GRM8: variants seen among roughly 807,000 people sequenced by gnomAD.
GRM8 encodes glutamate metabotropic receptor 8.
A neutral mutation model predicts 87.2 loss-of-function variants in GRM8; 47 were observed. The ratio of observed to expected loss-of-function variants is 0.54; its 90% CI spans 0.43 to 0.69. The LOEUF (loss-of-function observed/expected upper bound fraction) is 0.69, where lower values mean the gene tolerates loss of function less well. Ranked by LOEUF, GRM8 falls within the 30% of genes least tolerant of loss-of-function variation. The pLI is 0.00. For missense variants in GRM8, 1,019 were observed against 1,139.2 expected (o/e 0.89, Z 1.52); for synonymous variants, 396 against 404.5 (o/e 0.98, Z 0.25).
intron 2 of GRM8, among the ~76,000 whole-genome samples, chr7:127,241,183 G>A (rs1204545814): frequency 1.3e-5 from 2 of 152,058 alleles, no homozygotes; most frequent in African/African-American, 4.8e-5. Flanking sequence ...TCTAAACTAG[G>A]GAAATCCATA....
intron 3 of GRM8, among the ~76,000 whole-genome samples, chr7:126,922,590 G>A (rs769520057): frequency 6.6e-6 from 1 of 152,100 alleles, no homozygotes; most frequent in African/African-American, 2.4e-5. Context: ...ATACAATATC[G>A]CTTGGGTAAA....
intron 9 of GRM8, among the ~76,000 whole-genome samples, chr7:126,528,769 G>A (rs529196295): frequency 8.2e-4 from 124 of 152,112 alleles, no homozygotes; most frequent in African/African-American, 2.9e-3. Context: ...ACATTGCTTT[G>A]TATTGGAATT....
At position 126,579,277 on chromosome 7, in the gene GRM8, T is replaced by G. The variant is rs73449239; in HGVS notation, c.1494+30085A>C. Among the ~76,000 whole-genome samples, 524 of 152,318 alleles carry G rather than the reference T, an allele frequency of 3.4e-3. 3 individuals carry two copies. The highest frequency in any genetic ancestry group is 0.012 in the African/African-American group (480 of 41,584). On this transcript the variant is annotated intron_variant, in intron 8 of 10. Transcript: ENST00000339582. ...TTGTTTTCTGTTCTTTTCATGTGAC[T>G]TTTTGTGACTGGTATTCTTTATACA...
At chr7:126,790,530 G>C (rs1282016767) in intron 6 of GRM8, among the ~76,000 whole-genome samples, 1 of 152,136 alleles carries the variant, frequency 6.6e-6, no homozygotes, top group Non-Finnish European at 1.5e-5. Context: ...TTTTGTATTT[G>C]TAATTATTCA....
chr7:126,857,034 GT>G (rs1329303770), intron 6 of GRM8, among the ~76,000 whole-genome samples: 3 of 152,184 alleles, frequency 2.0e-5, no homozygotes, highest in Non-Finnish European at 4.4e-5. Flanking sequence ...CATTTACTCT[GT>G]GGCAAAAGCA....
Position 127,204,949 on chromosome 7 carries a change from G to A in GRM8, c.510+37746C>T, listed in dbSNP as rs537738668. ...ATTTCCATTCCCCTTCGCTGTGGGA[G>A]CCTCAAGAACCACAGTTACAGGAGC... On this transcript the variant is annotated intron_variant, in intron 2 of 10. Transcript: ENST00000339582. Among the ~76,000 whole-genome samples, 3 of 152,268 alleles carry A rather than the reference G, an allele frequency of 2.0e-5. No homozygotes were observed. In the South Asian group the frequency reaches 6.2e-4, roughly 32 times the overall value.
chr7:126,651,810 A>T (rs1000562508), intron 7 of GRM8, among the ~76,000 whole-genome samples: 1 of 152,016 alleles, frequency 6.6e-6, no homozygotes, highest in South Asian at 2.1e-4. Context: ...AATACAGTAG[A>T]TCAATTGCGG....
chr7:127,225,123 T>C (rs1222650403), intron 2 of GRM8, among the ~76,000 whole-genome samples: 3 of 152,208 alleles, frequency 2.0e-5, no homozygotes, highest in Non-Finnish European at 1.5e-5. Context: ...AGAGGAGGAA[T>C]GGAGGCATCT....
intron 9 of GRM8, among the ~76,000 whole-genome samples, chr7:126,472,224 G>C (rs113806522): frequency 0.17 from 25,906 of 152,154 alleles, 2,599 homozygotes; most frequent in Non-Finnish European, 0.21. Context: ...CCAACACTAT[G>C]TTGAATAGGA....
chr7:126,627,885 A>G (rs991911904), intron 7 of GRM8, among the ~76,000 whole-genome samples: 10 of 152,278 alleles, frequency 6.6e-5, no homozygotes, highest in African/African-American at 2.4e-4. Context: ...ATTTTTATTC[A>G]CTATTGGATT....
intron 6 of GRM8, chr7:126,869,385 C>T (rs1798885880): frequency 6.6e-6 from 1 of 152,182 alleles, no homozygotes; most frequent in South Asian, 2.1e-4. Flanking sequence ...CATGATTGTT[C>T]TTAATGGCAT....
At chr7:126,930,772 T>C (rs1251115215) in intron 3 of GRM8, among the ~76,000 whole-genome samples, 2 of 152,326 alleles carry the variant, frequency 1.3e-5, no homozygotes, top group Middle Eastern at 3.4e-3. Flanking sequence ...GTGATATTCA[T>C]AGTCAGAATT....
intron 8 of GRM8, among the ~76,000 whole-genome samples, chr7:126,540,606 G>A (rs1470669775): frequency 6.6e-6 from 1 of 152,122 alleles, no homozygotes; most frequent in Non-Finnish European, 1.5e-5. Flanking sequence ...CAATCAAAAG[G>A]AATAGTGTAT....
At chr7:126,443,022 G>A (rs548061273) in intron 10 of GRM8, among the ~76,000 whole-genome samples, 4 of 152,044 alleles carry the variant, frequency 2.6e-5, no homozygotes, top group Admixed American at 6.6e-5. Flanking sequence ...TGTTTTTCAC[G>A]GTGCTGATGA....
intron 7 of GRM8, among the ~76,000 whole-genome samples, chr7:126,627,471 C>T (rs1254255867): frequency 6.6e-6 from 1 of 152,158 alleles, no homozygotes; most frequent in East Asian, 1.9e-4. Flanking sequence ...CTATGGAAAG[C>T]ATCAAGTTTT....
At chr7:126,799,738 G>A (rs572538082) in intron 6 of GRM8, among the ~76,000 whole-genome samples, 92 of 152,234 alleles carry the variant, frequency 6.0e-4, no homozygotes, top group African/African-American at 2.1e-3. Flanking sequence ...AAGTGTGGCA[G>A]GCATTCTATA....
At chr7:126,831,034 G>A (rs552314561) in intron 6 of GRM8, among the ~76,000 whole-genome samples, 18 of 152,308 alleles carry the variant, frequency 1.2e-4, no homozygotes, top group African/African-American at 3.8e-4. Context: ...CGTGATCCAC[G>A]AATGCTGCTG....
intron 1 of GRM8, among the ~76,000 whole-genome samples, chr7:127,244,238 G>C (rs1355432528): frequency 6.6e-6 from 1 of 152,064 alleles, no homozygotes; most frequent in African/African-American, 2.4e-5. Context: ...GGGAGCAATG[G>C]GTATATTAAC....
At chr7:126,575,554 C>T (rs1008899812) in intron 8 of GRM8, among the ~76,000 whole-genome samples, 8 of 151,804 alleles carry the variant, frequency 5.3e-5, no homozygotes, top group Non-Finnish European at 1.0e-4. Context: ...TGTTGGGGAC[C>T]GCTGCTATAG....
Sources: gnomAD v4.1 joint callset for allele counts (sites outside exome capture counted in the v4.1 genomes callset) on GRCh38, gnomAD v4.1.1 for gene constraint, MANE v1.5 for transcripts, NCBI Gene and HGNC (gene_info 2026-07-23, HGNC 2026-07-21) for gene names.